CAB39: variants seen among roughly 807,000 people sequenced by gnomAD.
CAB39 encodes calcium binding protein 39, also known as calcium-binding protein 39.
A neutral mutation model predicts 40.0 loss-of-function variants in CAB39; 8 were observed. That is an observed-to-expected ratio of 0.20 (90% confidence interval 0.12 to 0.36). CAB39 has a LOEUF of 0.36. CAB39 is among the 10% of genes least tolerant of loss of function. CAB39 has a pLI of 1.00. For synonymous variants in CAB39, 156 were observed against 141.6 expected, an observed-to-expected ratio of 1.10 and a Z score of -0.72; for missense variants, 270 against 401.1, an observed-to-expected ratio of 0.67 and a Z score of 2.79.
chr2:230,800,421 T>G (rs191594793), intron 5 of CAB39, among the ~76,000 whole-genome samples: 1 of 152,328 alleles, frequency 6.6e-6, no homozygotes, highest in East Asian at 1.9e-4. Context: ...ACCCAGATAT[T>G]TGTATGTAGG....
chr2:230,733,525 A>G (rs1486520918), intron 1 of CAB39, among the ~76,000 whole-genome samples: 1 of 152,128 alleles, frequency 6.6e-6, no homozygotes, highest in Non-Finnish European at 1.5e-5. Context: ...AAAGTATTCG[A>G]CTTTGTTTGA....
intron 2 of CAB39, among the ~76,000 whole-genome samples, chr2:230,781,138 G>A (rs776133003): frequency 6.6e-6 from 1 of 152,110 alleles, no homozygotes; most frequent in Admixed American, 6.5e-5. Flanking sequence ...TTTCTCAGGT[G>A]ATTCTGAGTG....
chr2:230,749,331 C>T (rs1332329439), intron 1 of CAB39, among the ~76,000 whole-genome samples: 1 of 152,006 alleles, frequency 6.6e-6, no homozygotes, highest in African/African-American at 2.4e-5. Context: ...TGGAGTAACA[C>T]GTCCCTGGCT....
chr2:230,757,854 A>T (rs1201847023), intron 1 of CAB39, among the ~76,000 whole-genome samples: 1 of 152,050 alleles, frequency 6.6e-6, no homozygotes, highest in Non-Finnish European at 1.5e-5. Flanking sequence ...AGGAAAAAGT[A>T]ATGATCCAGG....
intron 3 of CAB39, among the ~76,000 whole-genome samples, chr2:230,791,348 T>TTA (rs1255155385): frequency 2.6e-5 from 4 of 152,230 alleles, no homozygotes; most frequent in African/African-American, 9.6e-5. Context: ...AGTACTCTAA[T>TTA]AATTCACTGG....
intron 2 of CAB39, among the ~76,000 whole-genome samples, chr2:230,772,934 G>A (rs1349526671): frequency 6.8e-6 from 1 of 146,650 alleles, no homozygotes; most frequent in East Asian, 2.0e-4. Flanking sequence ...CCAGACGTGT[G>A]GATAAACCAA....
intron 2 of CAB39, among the ~76,000 whole-genome samples, chr2:230,764,756 G>A (rs927198880): frequency 5.3e-5 from 8 of 152,184 alleles, no homozygotes; most frequent in African/African-American, 1.9e-4. Context: ...ATTCAAGTCT[G>A]AATAGTGTGT....
intron 1 of CAB39, among the ~76,000 whole-genome samples, chr2:230,736,291 C>T (rs1694787464): frequency 1.3e-5 from 2 of 151,928 alleles, no homozygotes; most frequent in South Asian, 4.2e-4. Context: ...AAAGCTACAC[C>T]CTCGTGCTAA....
chr2:230,721,490 A>AT (rs1694452691), intron 1 of CAB39, among the ~76,000 whole-genome samples: 1 of 151,960 alleles, frequency 6.6e-6, no homozygotes, highest in African/African-American at 2.4e-5. Context: ...CCAAAATACA[A>AT]TTTTTTCTGT....
At chr2:230,798,658 A>G in intron 4 of CAB39, 71 bp from the exon 5 acceptor site, 1 of 1,310,996 alleles carries the variant, frequency 7.6e-7, no homozygotes. Context: ...TGAAAGTTTG[A>G]ACTGTTCAGT....
At chr2:230,809,069 A>T (rs1696255844) in intron 5 of CAB39, among the ~76,000 whole-genome samples, 1 of 152,202 alleles carries the variant, frequency 6.6e-6, no homozygotes, top group South Asian at 2.1e-4. Context: ...GTGACCAATC[A>T]GGAGGAGTTG....
intron 1 of CAB39, among the ~76,000 whole-genome samples, chr2:230,748,829 A>ATAT (rs1262628500): frequency 1.5e-3 from 70 of 46,344 alleles, no homozygotes; most frequent in Admixed American, 1.7e-3. Context: ...AAAAAAAAAA[A>ATAT]AAATATATAT....
At chr2:230,757,895 C>T (rs942636140) in intron 1 of CAB39, among the ~76,000 whole-genome samples, 51 of 152,032 alleles carry the variant, frequency 3.4e-4, no homozygotes, top group Non-Finnish European at 1.6e-4. Context: ...GGCTTTGTGT[C>T]CCATCTGGCT....
At chr2:230,783,076 C>T (rs866448263) in intron 2 of CAB39, among the ~76,000 whole-genome samples, 4 of 152,096 alleles carry the variant, frequency 2.6e-5, no homozygotes, top group Middle Eastern at 3.2e-3. Flanking sequence ...GATTCGCCCG[C>T]CTCGGCCTCC....
At chr2:230,720,588 A>AC (rs767043581) in intron 1 of CAB39, among the ~76,000 whole-genome samples, 1 of 152,062 alleles carries the variant, frequency 6.6e-6, no homozygotes. Flanking sequence ...GGTGCGCGCC[A>AC]CCATGCATGG....
intron 1 of CAB39, among the ~76,000 whole-genome samples, chr2:230,746,335 T>G (rs1694975764): frequency 6.6e-6 from 1 of 152,100 alleles, no homozygotes; most frequent in South Asian, 2.1e-4. Flanking sequence ...AGACATTGGG[T>G]TAGGGAGTAC....
At chr2:230,779,265 A>G (rs1462676340) in intron 2 of CAB39, 1 of 152,064 alleles carries the variant, frequency 6.6e-6, no homozygotes, top group African/African-American at 2.4e-5. Context: ...CAAGCCCCAG[A>G]CCCTTTCCTC....
At chr2:230,750,757 T>A (rs1380643580) in intron 1 of CAB39, among the ~76,000 whole-genome samples, 1 of 152,246 alleles carries the variant, frequency 6.6e-6, no homozygotes, top group African/African-American at 2.4e-5. Flanking sequence ...TTTATATTGC[T>A]ATCCAGTTTA....
intron 2 of CAB39, among the ~76,000 whole-genome samples, chr2:230,782,368 G>A (rs1695702079): frequency 3.3e-5 from 5 of 152,004 alleles, no homozygotes; most frequent in Admixed American, 3.3e-4. Context: ...AATGTGGGAG[G>A]GGGGATGTCT....
Sources: allele counts gnomAD v4.1 joint callset (sites outside exome capture counted in the v4.1 genomes callset), GRCh38; gene constraint gnomAD v4.1.1; transcripts MANE v1.5; gene names NCBI Gene and HGNC (gene_info 2026-07-23, HGNC 2026-07-21).